The following SLC2A9 variants were observed in gnomAD, a reference collection of about 807,000 sequenced individuals.
SLC2A9 encodes the protein solute carrier family 2, facilitated glucose transporter member 9.
SLC2A9 carries 39 observed loss-of-function variants against 50.6 expected under a neutral mutation model. The observed-to-expected ratio is 0.77, with a 90% CI of 0.60 to 1.01. The LOEUF (loss-of-function observed/expected upper bound fraction) is 1.01. Among genes scored for constraint, SLC2A9 ranks in the 50% least tolerant of loss-of-function variants. The pLI is 0.00. For missense variants in SLC2A9, 686 were observed against 677.6 expected (o/e 1.01, Z -0.14); for synonymous variants, 324 against 276.9 (o/e 1.17, Z -1.69).
At chr4:10,004,944 T>C (rs1760508858) in intron 2 of SLC2A9, among the ~76,000 whole-genome samples, 1 of 152,230 alleles carries the variant, frequency 6.6e-6, no homozygotes, top group East Asian at 1.9e-4. Flanking sequence ...ATCTCACTCA[T>C]TCCTATCTTA....
intron 5 of SLC2A9, among the ~76,000 whole-genome samples, chr4:9,952,496 C>A (rs139754492): frequency 2.0e-5 from 3 of 151,700 alleles, no homozygotes; most frequent in African/African-American, 7.3e-5. Flanking sequence ...CCAATTAAAC[C>A]TCTTTTCTTT....
At chr4:9,789,678 T>C (rs1017650636) in intron 3 of SLC2A9, among the ~76,000 whole-genome samples, 1 of 152,240 alleles carries the variant, frequency 6.6e-6, no homozygotes, top group Non-Finnish European at 1.5e-5. Context: ...TTAAAGGGAA[T>C]ATGAGTACCC....
At chr4:9,947,233 G>T (rs1749353265) in intron 5 of SLC2A9, among the ~76,000 whole-genome samples, 1 of 152,154 alleles carries the variant, frequency 6.6e-6, no homozygotes, top group African/African-American at 2.4e-5. Flanking sequence ...CCAACCTTGG[G>T]ACCACCCACT....
At chr4:9,892,073 T>C (rs969735448) in intron 8 of SLC2A9, among the ~76,000 whole-genome samples, 1 of 152,206 alleles carries the variant, frequency 6.6e-6, no homozygotes, top group African/African-American at 2.4e-5. Flanking sequence ...ACCCTGCTCC[T>C]TAGAGGGAGG....
intron 10 of SLC2A9, among the ~76,000 whole-genome samples, chr4:9,865,146 C>T (rs1418460364): frequency 6.6e-6 from 1 of 152,242 alleles, no homozygotes; most frequent in Non-Finnish European, 1.5e-5. Context: ...GGTTCATAGC[C>T]AGGAGTGATT....
intron 5 of SLC2A9, among the ~76,000 whole-genome samples, chr4:9,976,879 G>C (rs1754891519): frequency 1.3e-5 from 2 of 152,190 alleles, no homozygotes; most frequent in Admixed American, 1.3e-4. Flanking sequence ...CTTTTCCCCT[G>C]CAGAGCTACT....
At chr4:9,834,506 T>C (rs1726701671) in intron 11 of SLC2A9, among the ~76,000 whole-genome samples, 1 of 152,210 alleles carries the variant, frequency 6.6e-6, no homozygotes, top group African/African-American at 2.4e-5. Context: ...AATGAGGATG[T>C]TAAATGGGTG....
intron 3 of SLC2A9, among the ~76,000 whole-genome samples, chr4:9,995,503 G>A (rs949680031): frequency 1.3e-5 from 2 of 152,172 alleles, no homozygotes; most frequent in Non-Finnish European, 2.9e-5. Context: ...ATTTCAGATT[G>A]TGAAATGGGC....
intron 10 of SLC2A9, among the ~76,000 whole-genome samples, chr4:9,855,096 G>C (rs1730528366): frequency 6.6e-6 from 1 of 152,110 alleles, no homozygotes; most frequent in Non-Finnish European, 1.5e-5. Context: ...CATAGTACTG[G>C]AAGTCCCAAC....
chr4:9,838,053 A>G (rs138828495), intron 10 of SLC2A9, among the ~76,000 whole-genome samples: 104 of 152,358 alleles, frequency 6.8e-4, no homozygotes, highest in African/African-American at 2.0e-3. Context: ...AACACTTAAT[A>G]TAAGTCTTGT....
chr4:9,992,458 A>C (rs575132512), intron 3 of SLC2A9, among the ~76,000 whole-genome samples: 1 of 152,320 alleles, frequency 6.6e-6, no homozygotes, highest in East Asian at 1.9e-4. Context: ...GAGTTATGAA[A>C]ACCAGAAACA....
chr4:9,981,953 C>T (rs1755956090), intron 4 of SLC2A9, among the ~76,000 whole-genome samples: 1 of 151,854 alleles, frequency 6.6e-6, no homozygotes, highest in Non-Finnish European at 1.5e-5. Flanking sequence ...TTGATCTCGG[C>T]TCACCACAAC....
intron 2 of SLC2A9, among the ~76,000 whole-genome samples, chr4:10,001,277 A>C (rs1431210743): frequency 6.6e-6 from 1 of 152,184 alleles, no homozygotes; most frequent in African/African-American, 2.4e-5. Flanking sequence ...AGGTCACTAG[A>C]GTGGGCCCTA....
Position 9,925,902 on chromosome 4 carries a change from G to T in SLC2A9, c.815-5330C>A, listed in dbSNP as rs1744805883. ...TGTTCTCCCTACTGTTCCGGGCATG[G>T]TGTGATTTTCCAATGGCAGGCTCCC... is the stretch of plus-strand genomic sequence containing the variant. On this transcript the variant is annotated intron_variant, in intron 6 of 11. Coordinates refer to ENST00000264784, the MANE Select transcript of SLC2A9 (RefSeq NM_020041.3). Among the ~76,000 whole-genome samples, 3 of 152,134 alleles carry T rather than the reference G, an allele frequency of 2.0e-5. No homozygotes were observed. The South Asian group carries it at 6.2e-4, about 32-fold the overall frequency.
intron 10 of SLC2A9, among the ~76,000 whole-genome samples, chr4:9,864,863 C>T (rs940315999): frequency 5.3e-5 from 8 of 152,256 alleles, no homozygotes; most frequent in Admixed American, 5.2e-4. Context: ...AGTCGAGGAT[C>T]TTCAGATAGG....
At chr4:9,972,183 C>A (rs1754013672) in intron 5 of SLC2A9, among the ~76,000 whole-genome samples, 1 of 151,986 alleles carries the variant, frequency 6.6e-6, no homozygotes. Context: ...TATTTCTTTC[C>A]TTGAGAGGAA....
intron 10 of SLC2A9, among the ~76,000 whole-genome samples, chr4:9,876,275 C>A (rs1162917597): frequency 6.6e-6 from 1 of 152,182 alleles, no homozygotes; most frequent in African/African-American, 2.4e-5. Context: ...TATCCCTACC[C>A]ACAGGGCTAT....
chr4:10,003,237 G>A (rs1760164318), intron 2 of SLC2A9, among the ~76,000 whole-genome samples: 1 of 152,208 alleles, frequency 6.6e-6, no homozygotes, highest in African/African-American at 2.4e-5. Context: ...CAGCTGTCTT[G>A]CAAGGAGTCA....
intron 5 of SLC2A9, among the ~76,000 whole-genome samples, chr4:9,954,347 C>T (rs4311316): frequency 6.6e-6 from 1 of 152,138 alleles, no homozygotes; most frequent in Non-Finnish European, 1.5e-5. Flanking sequence ...GACTTGTCTG[C>T]AACTATATTT....
Sources: allele counts gnomAD v4.1 joint callset (sites outside exome capture counted in the v4.1 genomes callset), GRCh38; gene constraint gnomAD v4.1.1; transcripts MANE v1.5; gene names NCBI Gene and HGNC (gene_info 2026-07-23, HGNC 2026-07-21).